The following LIPM variants were observed in gnomAD, a reference collection of about 807,000 sequenced individuals.
LIPM encodes the protein lipase family member M.
In LIPM, 42 loss-of-function variants were observed where a neutral mutation model predicts 42.4. That is an observed-to-expected ratio of 0.99 (90% CI 0.77 to 1.28). The LOEUF (loss-of-function observed/expected upper bound fraction) is 1.28, where lower values mean the gene tolerates loss of function less well. Ranked by LOEUF, LIPM falls within the 50% of genes most tolerant of loss-of-function variation. LIPM has a pLI of 0.00. For synonymous variants in LIPM, 177 were observed against 173.3 expected (o/e 1.02, Z -0.17); for missense variants, 524 against 520.1 (o/e 1.01, Z -0.07).
Position 88,820,451 on chromosome 10 carries a change from C to T in LIPM, c.1222C>T (p.Gln408Ter). The change falls in exon 9 of 9, where the codon CAG becomes TAG. Residue 408 changes from glutamine to a stop codon, truncating the protein, a stop_gained. Transcript: ENST00000404743. LOFTEE classifies it low-confidence loss of function (END_TRUNC). ...GTACAATGAAATCATCCATCTGATGCAGCAGGAGGAGACCAACCTTTCCCA... is the reference window on the plus strand; with the variant it reads ...GTACAATGAAATCATCCATCTGATGTAGCAGGAGGAGACCAACCTTTCCCA... Reference protein sequence around the residue: ...RMYNEIIHLMQQEETNLSQGR... With the variant: ...RMYNEIIHLM The T allele has an allele frequency of 1.3e-6, 2 of 1,551,870 alleles. No individual in the cohort carries two copies. Among genetic ancestry groups the T allele is most frequent in the Non-Finnish European group, 1.7e-6 (2 of 1,147,016 alleles).
chr10:88,813,325 A>C, intron 3 of LIPM, 30 bp downstream of exon 3: 1 of 1,475,858 alleles, frequency 6.8e-7, no homozygotes, highest in Non-Finnish European at 9.0e-7. Flanking sequence ...ACAGAGGTAG[A>C]CATGTCTGTC....
In LIPM at chr10:88,820,432, T is replaced by A. The variant is rs1423649267; in HGVS notation, c.1203T>A (p.Asn401Lys). The change falls in exon 9 of 9, where the codon AAT becomes AAA. Residue 401 changes from asparagine to lysine, a missense_variant. Asn to Lys is a moderately conservative substitution (Grantham distance 94). Transcript: ENST00000404743. ...WGLDAPHRMY[N>K]EIIHLMQQEE... ...TGGATGCTCCTCACCGTATGTACAA[T>A]GAAATCATCCATCTGATGCAGCAGG... 1.4e-5 allele frequency: 21 copies of A among 1,552,084 alleles called. No individual in the cohort carries two copies. The highest frequency in any genetic ancestry group is 1.8e-5 in the Non-Finnish European group (21 of 1,147,064).
chr10:88,804,224 G>A (rs1437107182), intron 1 of LIPM, among the ~76,000 whole-genome samples: 1 of 152,126 alleles, frequency 6.6e-6, no homozygotes, highest in Non-Finnish European at 1.5e-5. Flanking sequence ...TTCTGGCCCT[G>A]AGACTGTCCC....
intron 7 of LIPM, among the ~76,000 whole-genome samples, chr10:88,817,164 C>T (rs1438046490): frequency 6.6e-6 from 1 of 152,140 alleles, no homozygotes; most frequent in East Asian, 1.9e-4. Flanking sequence ...CTCTAGACAC[C>T]TCAAAGATGT....
Position 88,815,377 on chromosome 10 carries a change from A to C in LIPM, c.732A>C (p.Glu244Asp). 1.3e-6 allele frequency: 2 copies of C among 1,551,618 alleles called. No homozygotes were observed. Among genetic ancestry groups the C allele is most frequent in the Non-Finnish European group, 1.7e-6 (2 of 1,146,948 alleles). ...CACAGGGATTGTTTGGCAAAAAAGA[A>C]TTTCTGTATCAGACCAGATTTCTCA... is the stretch of plus-strand genomic sequence containing the variant. ...MMIKGLFGKKEFLYQTRFLRQ... is the reference protein window; with the variant it reads ...MMIKGLFGKKDFLYQTRFLRQ... Residue 244 changes from glutamate (E) to aspartate (D), a missense_variant, in exon 6 of 9, where the codon GAA becomes GAC. By Grantham distance (45) the Glu-to-Asp change is conservative (BLOSUM62 2). Transcript: ENST00000404743.
At chr10:88,806,151 T>A (rs1284907106) in intron 1 of LIPM, 2 of 349,962 alleles carry the variant, frequency 5.7e-6, no homozygotes, top group African/African-American at 4.4e-5. Context: ...ATTGCCTGCA[T>A]AAATTTTCCT....
In LIPM at chr10:88,820,350, A is replaced by C; in HGVS notation, c.1121A>C (p.Asn374Thr). 1.3e-6 allele frequency: 2 copies of C among 1,552,250 alleles called. No homozygotes were observed. Among genetic ancestry groups the C allele is most frequent in the Non-Finnish European group, 1.7e-6 (2 of 1,147,120 alleles). ...AAAATGCTGCTCTCTGAGGTGACCA[A>C]CCTCATCTACCATAAGAATATTCCT... ...DVKMLLSEVTNLIYHKNIPEW... is the reference protein window; with the variant it reads ...DVKMLLSEVTTLIYHKNIPEW... The change falls in exon 9 of 9, where the codon AAC (asparagine) becomes ACC (threonine). Residue 374 changes from asparagine (N) to threonine (T), a missense_variant. Asn to Thr is a moderately conservative substitution (Grantham distance 65, BLOSUM62 0). Coordinates refer to ENST00000404743, the MANE Select transcript of LIPM (RefSeq NM_001128215.1).
At chr10:88,818,995 C>G (rs1306791693) in intron 8 of LIPM, among the ~76,000 whole-genome samples, 2 of 152,148 alleles carry the variant, frequency 1.3e-5, no homozygotes, top group Admixed American at 6.5e-5. Context: ...TTGAGCCATT[C>G]TCTTGCCTCA....
rs933859346 is a variant in LIPM at position 88,820,322 on chromosome 10, G to T, written c.1093G>T (p.Val365Leu). 1 of 1,552,116 alleles carries T rather than the reference G, an allele frequency of 6.4e-7. No homozygotes were observed. The highest frequency in any genetic ancestry group is 2.0e-5 in the Admixed American group (1 of 50,990). The part of the protein sequence containing the change: ...GQDWLSNPED[V>L]KMLLSEVTNL... ...GGACTGGCTTTCAAATCCAGAAGAC[G>T]TGAAAATGCTGCTCTCTGAGGTGAC... Residue 365 changes from valine (V) to leucine (L), a missense_variant, in exon 9 of 9, where the codon GTG becomes TTG. By Grantham distance (32) the Val-to-Leu change is conservative (BLOSUM62 1). Coordinates refer to ENST00000404743, the MANE Select transcript of LIPM (RefSeq NM_001128215.1).
intron 1 of LIPM, among the ~76,000 whole-genome samples, chr10:88,807,543 T>C (rs1039819261): frequency 2.0e-5 from 3 of 152,228 alleles, no homozygotes; most frequent in African/African-American, 7.2e-5. Flanking sequence ...ATGTAACTAC[T>C]GTATAGAGTA....
chr10:88,820,421 C>G lies in LIPM; in HGVS notation c.1192C>G (p.Arg398Gly), dbSNP rs532626102. ...DFIWGLDAPH[R>G]MYNEIIHLMQ... ...CATCTGGGGTTTGGATGCTCCTCAC[C>G]GTATGTACAATGAAATCATCCATCT... Residue 398 changes from arginine (R) to glycine (G), a missense_variant, in exon 9 of 9, where the codon CGT becomes GGT. Coordinates refer to ENST00000404743, the MANE Select transcript of LIPM (RefSeq NM_001128215.1). 6.4e-7 allele frequency: 1 copy of G among 1,552,078 alleles called. No homozygotes were observed. Among genetic ancestry groups the G allele is most frequent in the Non-Finnish European group, 8.7e-7 (1 of 1,147,052 alleles).
rs890294095 is a variant in LIPM at position 88,816,906 on chromosome 10, C to T, written c.930+19C>T. 15 of 1,536,408 alleles carry T rather than the reference C, an allele frequency of 9.8e-6. No homozygotes were observed. The highest frequency in any genetic ancestry group is 7.8e-5 in the Admixed American group (4 of 50,956). ...GAGCCAGGTAAGAATGTTGAATTTG[C>T]AGTCTTTGCTAAATGTCCTGTTATA... is the stretch of plus-strand genomic sequence containing the variant. On this transcript the variant is annotated intron_variant, in intron 7 of 8. Transcript: ENST00000404743.
At position 88,820,415 on chromosome 10, in the gene LIPM, C is replaced by T. The variant is rs1180011665; in HGVS notation, c.1186C>T (p.Pro396Ser). The change falls in exon 9 of 9, where the codon CCT becomes TCT. Residue 396 changes from proline to serine, a missense_variant. Transcript: ENST00000404743. ...HVDFIWGLDA[P>S]HRMYNEIIHL... is the part of the protein sequence containing the mutation. Reference sequence around the variant, plus strand: ...GGATTTCATCTGGGGTTTGGATGCTCCTCACCGTATGTACAATGAAATCAT... The same window carrying T: ...GGATTTCATCTGGGGTTTGGATGCTTCTCACCGTATGTACAATGAAATCAT... 6 of 1,552,126 alleles carry T rather than the reference C, an allele frequency of 3.9e-6. No individual in the cohort carries two copies. The South Asian group carries it at 7.1e-5, about 18-fold the overall frequency.
At position 88,808,952 on chromosome 10, in the gene LIPM, T is replaced by C. The variant is rs542024419; in HGVS notation, c.265+537T>C. Among the ~76,000 whole-genome samples the C allele has an allele frequency of 4.1e-3, 577 of 142,288 alleles. 1 individual carries two copies. Among genetic ancestry groups the C allele is most frequent in the African/African-American group, 0.015 (539 of 36,844 alleles). 93.3% of individuals were successfully genotyped at this position (142,288 alleles called of 152,430 possible). A position where few individuals can be genotyped will look rare whatever the true frequency, so the allele number is the denominator to read the frequency against. On this transcript the variant is annotated intron_variant, in intron 2 of 8. Transcript: ENST00000404743. ...TTTTATTTTATTTTATTTTATTTTATTTTATTTTATTTTATTTTTGAGGTG... is the reference window on the plus strand; with the variant it reads ...TTTTATTTTATTTTATTTTATTTTACTTTATTTTATTTTATTTTTGAGGTG...
chr10:88,808,552 T>A (rs989332002), intron 2 of LIPM, 137 bp downstream of exon 2: 2 of 557,236 alleles, frequency 3.6e-6, no homozygotes, highest in Non-Finnish European at 6.5e-6. Flanking sequence ...ATGGTGTCAG[T>A]TCCCCCATAG....
chr10:88,808,239 A>T, intron 1 of LIPM, 59 bp from the exon 2 acceptor site: 1 of 926,332 alleles, frequency 1.1e-6, no homozygotes, highest in Non-Finnish European at 1.7e-6. Flanking sequence ...TTACTTTTGG[A>T]TCATTGAGAA....
chr10:88,808,431 T>G lies in LIPM; in HGVS notation c.265+16T>G, dbSNP rs1256934384. 18 of 1,372,384 alleles carry G rather than the reference T, an allele frequency of 1.3e-5. No homozygotes were observed. 85.0% of individuals were successfully genotyped at this position (1,372,384 alleles called of 1,614,324 possible). A position where few individuals can be genotyped will look rare whatever the true frequency, so the allele number is the denominator to read the frequency against. ...AAGAAGACAGGTGTGGGTCACCCCA[T>G]GTCACCGCAACACAGCAGTCTTCTC... On this transcript the variant is annotated intron_variant, in intron 2 of 8. Coordinates refer to ENST00000404743, the MANE Select transcript of LIPM (RefSeq NM_001128215.1).
chr10:88,805,684 C>T (rs985294708), intron 1 of LIPM, among the ~76,000 whole-genome samples: 2 of 152,136 alleles, frequency 1.3e-5, no homozygotes, highest in Non-Finnish European at 1.5e-5. Flanking sequence ...AATTTCCCAA[C>T]GTTTTAAATA....
At chr10:88,814,057 G>T (rs1365803241) in intron 3 of LIPM, among the ~76,000 whole-genome samples, 1 of 152,050 alleles carries the variant, frequency 6.6e-6, no homozygotes, top group Admixed American at 6.5e-5. Context: ...ATCACCTAGG[G>T]ACCATCGATT....
Sources: gnomAD v4.1 joint callset for allele counts (sites outside exome capture counted in the v4.1 genomes callset) on GRCh38, gnomAD v4.1.1 for gene constraint, MANE v1.5 for transcripts, NCBI Gene and HGNC (gene_info 2026-07-23, HGNC 2026-07-21) for gene names.